The following STON2 variants were observed in gnomAD, a reference collection of about 807,000 sequenced individuals.
STON2 encodes the protein stonin-2.
Under a neutral mutation model 65.7 loss-of-function variants are expected in STON2, and 29 were observed. The observed-to-expected ratio is 0.44, with a 90% CI of 0.33 to 0.60. The LOEUF (loss-of-function observed/expected upper bound fraction) is 0.60. Ranked by LOEUF, STON2 falls within the 20% of genes least tolerant of loss-of-function variation. The pLI is 0.03. For synonymous variants in STON2, 404 were observed against 414.2 expected (o/e 0.98, Z 0.30); for missense variants, 1,054 against 1,118.1 (o/e 0.94, Z 0.82).
At chr14:81,398,621 C>T (rs1407980670) in intron 1 of STON2, 41 bp from the exon 2 acceptor site, 1 of 446,662 alleles carries the variant, frequency 2.2e-6, no homozygotes, top group Non-Finnish European at 4.0e-6. Flanking sequence ...AAAAGGATAA[C>T]CATCACATTA....
At chr14:81,382,859 T>C (rs146762339) in intron 3 of STON2, among the ~76,000 whole-genome samples, 3 of 152,150 alleles carry the variant, frequency 2.0e-5, no homozygotes, top group Non-Finnish European at 2.9e-5. Flanking sequence ...CTAGGAAGAG[T>C]GCATTTGGGA....
upstream of STON2, among the ~76,000 whole-genome samples, chr14:81,401,149 G>C (rs1255241889): frequency 6.6e-6 from 1 of 152,196 alleles, no homozygotes; most frequent in Non-Finnish European, 1.5e-5. Context: ...GTCATTTGCA[G>C]AATCTGGTTT....
At chr14:81,276,143 G>C (rs1362449073) in intron 6 of STON2, among the ~76,000 whole-genome samples, 1 of 152,182 alleles carries the variant, frequency 6.6e-6, no homozygotes, top group Non-Finnish European at 1.5e-5. Context: ...CCCTCATTTT[G>C]TCATTTCACT....
chr14:81,418,764 T>C (rs754161112), intron 2 of STON2, among the ~76,000 whole-genome samples: 4 of 152,202 alleles, frequency 2.6e-5, no homozygotes, highest in Non-Finnish European at 4.4e-5. Context: ...TCCACAAATT[T>C]ATTAATTTGG....
At chr14:81,295,936 T>C (rs1335588507) in intron 5 of STON2, among the ~76,000 whole-genome samples, 2 of 152,200 alleles carry the variant, frequency 1.3e-5, no homozygotes, top group Admixed American at 1.3e-4. Context: ...CATCATAATG[T>C]GTGTTTCCTT....
At chr14:81,347,230 A>G (rs117042214) in intron 4 of STON2, among the ~76,000 whole-genome samples, 784 of 152,220 alleles carry the variant, frequency 5.2e-3, no homozygotes, top group Non-Finnish European at 7.2e-3. Context: ...ATCTGAAACA[A>G]AAAAAGGATA....
rs562651003 is a variant in STON2 at position 81,265,356 on chromosome 14, A to C, written c.*3058T>G. 5.6e-4 allele frequency: 549 copies of C among 984,270 alleles called. 1 individual carries two copies. The highest frequency in any genetic ancestry group is 6.1e-4 in the Non-Finnish European group (504 of 828,922). The allele number at this position is 984,270 out of a possible 1,614,324, so 61.0% of individuals were successfully genotyped here. ...AAATTAAGATGTTAGGTTTTTAAAA[A>C]TTAATAATAATTTGTGGGTCCAGCA... On this transcript the variant is annotated 3_prime_UTR_variant, in exon 8 of 8. Transcript: ENST00000614646.
chr14:81,415,774 G>C (rs766811407), intron 2 of STON2, among the ~76,000 whole-genome samples: 8 of 151,688 alleles, frequency 5.3e-5, no homozygotes, highest in Non-Finnish European at 7.4e-5. Flanking sequence ...ATACACTTAA[G>C]GTTTTAATTT....
At chr14:81,294,997 G>C (rs548903005) in intron 5 of STON2, among the ~76,000 whole-genome samples, 26 of 152,298 alleles carry the variant, frequency 1.7e-4, no homozygotes, top group African/African-American at 6.3e-4. Context: ...TGTTTAAGTG[G>C]GTGCCGGGTG....
intron 5 of STON2, among the ~76,000 whole-genome samples, chr14:81,293,331 G>A (rs1268304876): frequency 1.3e-5 from 2 of 151,990 alleles, no homozygotes; most frequent in Non-Finnish European, 1.5e-5. Flanking sequence ...GTGCCACCAC[G>A]CCCAACTGAT....
At chr14:81,416,999 GGTTTT>G (rs1405376657) in intron 2 of STON2, among the ~76,000 whole-genome samples, 1 of 151,990 alleles carries the variant, frequency 6.6e-6, no homozygotes, top group African/African-American at 2.4e-5. Context: ...AAAAACATAG[GGTTTT>G]ATTTCCCAGG....
chr14:81,424,557 G>T (rs1405804583), intron 2 of STON2, among the ~76,000 whole-genome samples: 3 of 150,760 alleles, frequency 2.0e-5, no homozygotes, highest in Non-Finnish European at 4.4e-5. Context: ...CTTCTACAAT[G>T]ATATGATTTT....
chr14:81,370,492 A>G (rs944100624), intron 4 of STON2, among the ~76,000 whole-genome samples: 8 of 152,222 alleles, frequency 5.3e-5, no homozygotes, highest in Non-Finnish European at 1.0e-4. Flanking sequence ...ACCAAGGCAC[A>G]ACAGAATAAA....
Position 81,267,525 on chromosome 14 carries a change from A to G in STON2, c.*889T>C, listed in dbSNP as rs1757112359. 1 of 985,144 alleles carries G rather than the reference A, an allele frequency of 1.0e-6. No individual in the cohort carries two copies. The highest frequency in any genetic ancestry group is 6.2e-5 in the Admixed American group (1 of 16,258). 61.0% of individuals were successfully genotyped at this position (985,144 alleles called of 1,614,324 possible). On this transcript the variant is annotated 3_prime_UTR_variant, in exon 8 of 8. Transcript: ENST00000614646. ...AATGCCCCTTACAAATGCCTCAGGTATTATGTATATTTGTTTCAGGAATCA... is the reference window on the plus strand; with the variant it reads ...AATGCCCCTTACAAATGCCTCAGGTGTTATGTATATTTGTTTCAGGAATCA...
chr14:81,317,488 A>AT (rs1357879011), intron 5 of STON2, among the ~76,000 whole-genome samples: 8 of 152,270 alleles, frequency 5.3e-5, no homozygotes, highest in African/African-American at 1.9e-4. Flanking sequence ...ACCATAAAAC[A>AT]TAATTTCTGC....
chr14:81,362,797 A>G (rs1210520948), intron 4 of STON2, among the ~76,000 whole-genome samples: 1 of 152,258 alleles, frequency 6.6e-6, no homozygotes, highest in African/African-American at 2.4e-5. Context: ...AATTTAAAAA[A>G]GGATTAATTT....
At chr14:81,380,618 T>C (rs1028867108) in intron 3 of STON2, among the ~76,000 whole-genome samples, 7 of 152,114 alleles carry the variant, frequency 4.6e-5, no homozygotes, top group African/African-American at 1.4e-4. Flanking sequence ...GTGGAACATA[T>C]ACACGATGGA....
chr14:81,414,758 C>A (rs913978041), intron 2 of STON2, among the ~76,000 whole-genome samples: 1 of 151,850 alleles, frequency 6.6e-6, no homozygotes, highest in Non-Finnish European at 1.5e-5. Context: ...TTCCTGACAC[C>A]GCAGCCCATT....
At chr14:81,319,517 T>C (rs567873075) in intron 5 of STON2, among the ~76,000 whole-genome samples, 13 of 152,310 alleles carry the variant, frequency 8.5e-5, no homozygotes, top group Admixed American at 5.9e-4. Flanking sequence ...CCAAAGGTGA[T>C]CATAAAGTTT....
Sources: gnomAD v4.1 joint callset for allele counts (sites outside exome capture counted in the v4.1 genomes callset) on GRCh38, gnomAD v4.1.1 for gene constraint, MANE v1.5 for transcripts, NCBI Gene and HGNC (gene_info 2026-07-23, HGNC 2026-07-21) for gene names.